The following VSX2 variants were observed in gnomAD, a reference collection of about 807,000 sequenced individuals.
The protein encoded by VSX2 is ceh-10 homeo domain containing homolog.
Under a neutral mutation model 32.1 loss-of-function variants are expected in VSX2, and 28 were observed. The observed-to-expected ratio is 0.87, with a 90% CI of 0.65 to 1.20. VSX2 has a LOEUF of 1.20. VSX2 is among the 50% of genes most tolerant of loss of function. The pLI, the probability that VSX2 is intolerant of heterozygous loss-of-function variation, is 0.00. For synonymous variants in VSX2, 243 were observed against 214.1 expected (o/e 1.14, Z -1.18); for missense variants, 506 against 488.7 (o/e 1.04, Z -0.33).
intron 2 of VSX2, among the ~76,000 whole-genome samples, chr14:74,244,881 AGTGTGTGTGTGTGTGTGTGT>A (rs57885912): frequency 1.2e-3 from 62 of 51,294 alleles, no homozygotes; most frequent in Non-Finnish European, 1.6e-3. Context: ...AGAGAGAGAA[AGTGTGTGTGTGTGTGTGTGT>A]GTGTGTGTGT....
At chr14:74,257,546 G>T (rs902540360) in intron 3 of VSX2, among the ~76,000 whole-genome samples, 1 of 152,270 alleles carries the variant, frequency 6.6e-6, no homozygotes, top group Non-Finnish European at 1.5e-5. Flanking sequence ...TCAACTTAAA[G>T]GTGCGCGTGC....
chr14:74,244,707 CCTT>C (rs1459984414), intron 2 of VSX2, among the ~76,000 whole-genome samples: 3 of 151,808 alleles, frequency 2.0e-5, no homozygotes, highest in Admixed American at 6.6e-5. Context: ...TCTAGAATGT[CCTT>C]CTTCTGGGAC....
In VSX2 at chr14:74,241,482, C is replaced by T. The variant is rs11621172; in HGVS notation, c.455+216C>T. On this transcript the variant is annotated intron_variant, in intron 2 of 4. Coordinates refer to ENST00000261980, the MANE Select transcript of VSX2 (RefSeq NM_182894.3). Reference sequence around the variant, plus strand: ...GATGAGTGGCCGCCGGGAAAGCGGCCCGGTTCGGGCTTTCTCCTCCTTGTT... The same window carrying T: ...GATGAGTGGCCGCCGGGAAAGCGGCTCGGTTCGGGCTTTCTCCTCCTTGTT... Among the ~76,000 whole-genome samples, 117,380 of 152,180 alleles carry T rather than the reference C, an allele frequency of 0.77. 46,524 individuals carry two copies. Among genetic ancestry groups the T allele is most frequent in the Admixed American group, 0.87 (13,261 of 15,294 alleles).
At chr14:74,246,295 G>T (rs1467890915) in intron 3 of VSX2, among the ~76,000 whole-genome samples, 1 of 152,220 alleles carries the variant, frequency 6.6e-6, no homozygotes, top group African/African-American at 2.4e-5. Flanking sequence ...CTCCTCCCCA[G>T]TCTAGGTTCC....
chr14:74,247,998 GC>G (rs2079203492), intron 3 of VSX2, among the ~76,000 whole-genome samples: 1 of 152,038 alleles, frequency 6.6e-6, no homozygotes, highest in Non-Finnish European at 1.5e-5. Flanking sequence ...TGAGCTAGGG[GC>G]TATTACTCTC....
At chr14:74,254,714 T>A (rs2079251404) in intron 3 of VSX2, among the ~76,000 whole-genome samples, 4 of 152,030 alleles carry the variant, frequency 2.6e-5, no homozygotes, top group Admixed American at 2.6e-4. Context: ...TCGGACACCT[T>A]CTGTATGACA....
chr14:74,256,356 G>A (rs911629761), intron 3 of VSX2, among the ~76,000 whole-genome samples: 6 of 152,156 alleles, frequency 3.9e-5, no homozygotes, highest in Admixed American at 6.5e-5. Flanking sequence ...GCTTGAATGC[G>A]GAAGGTGGAG....
At chr14:74,248,286 G>A (rs1036865993) in intron 3 of VSX2, among the ~76,000 whole-genome samples, 1 of 140,118 alleles carries the variant, frequency 7.1e-6, no homozygotes, top group Non-Finnish European at 1.5e-5. Flanking sequence ...AGCACTTTGG[G>A]AATCTGAGGT....
At chr14:74,241,396 A>G (rs2079149405) in intron 2 of VSX2, 130 bp downstream of exon 2, 1 of 1,031,776 alleles carries the variant, frequency 9.7e-7, no homozygotes, top group Non-Finnish European at 1.5e-6. Context: ...GCCAGGGCGC[A>G]GACCACGGGT....
intron 3 of VSX2, among the ~76,000 whole-genome samples, chr14:74,250,001 G>A (rs1215346425): frequency 6.6e-6 from 1 of 152,098 alleles, no homozygotes; most frequent in African/African-American, 2.4e-5. Context: ...AGCATTTTGG[G>A]AGCCTAAGGT....
Position 74,262,537 on chromosome 14 carries a change from T to G in VSX2, c.*1618T>G, listed in dbSNP as rs2079315705. 6.6e-6 allele frequency: 1 copy of G among 152,270 alleles called. No individual in the cohort carries two copies. The highest frequency in any genetic ancestry group is 1.5e-5 in the Non-Finnish European group (1 of 68,054). 9.4% of individuals were successfully genotyped at this position (152,270 alleles called of 1,614,324 possible). The stretch of plus-strand genomic sequence containing the variant: ...AACTTCCCTCCCCCTAGTCCGGTTC[T>G]TCTTGTCTTTGTCCCTGTTGGTTTG... On this transcript the variant is annotated 3_prime_UTR_variant, in exon 5 of 5. Transcript: ENST00000261980.
In VSX2 at chr14:74,244,981, TGAGAGAGAGAGAGA is replaced by T. The variant is rs60714663; in HGVS notation, c.456-171_456-158del. ...GTGTGTGTGTGTGTGTGTGTGTGTG[TGAGAGAGAGAGAGA>T]GAGAGAGAGAGACAGAGAGAGAGAG... On this transcript the variant is annotated intron_variant, in intron 2 of 4. Transcript: ENST00000261980. Among the ~76,000 whole-genome samples the T allele has an allele frequency of 1.3e-3, 48 of 37,634 alleles. 1 individual carries two copies. The highest frequency in any genetic ancestry group is 4.0e-3 in the African/African-American group (47 of 11,820). The allele number at this position is 37,634 out of a possible 152,430, so 24.7% of individuals were successfully genotyped here. A position where few individuals can be genotyped will look rare whatever the true frequency, so the allele number is the denominator to read the frequency against.
intron 2 of VSX2, among the ~76,000 whole-genome samples, chr14:74,244,383 T>C (rs2024242): frequency 2.0e-4 from 31 of 151,716 alleles, no homozygotes; most frequent in African/African-American, 7.0e-4. Flanking sequence ...CAGCACAGAA[T>C]AGGACTGGAA....
chr14:74,243,066 G>T (rs1317391338), intron 2 of VSX2, among the ~76,000 whole-genome samples: 1 of 152,186 alleles, frequency 6.6e-6, no homozygotes, highest in Admixed American at 6.5e-5. Flanking sequence ...TTGGAGAGAG[G>T]AGAATGGCTA....
chr14:74,241,955 T>C (rs545909108), intron 2 of VSX2, among the ~76,000 whole-genome samples: 1 of 152,102 alleles, frequency 6.6e-6, no homozygotes, highest in Non-Finnish European at 1.5e-5. Context: ...TGTTTTGTTT[T>C]GTTTTGTTTT....
intron 3 of VSX2, among the ~76,000 whole-genome samples, chr14:74,248,646 G>T (rs566039619): frequency 6.6e-6 from 1 of 151,204 alleles, no homozygotes; most frequent in South Asian, 2.1e-4. Flanking sequence ...AGCTGTAATC[G>T]CACCACTGCA....
At chr14:74,243,977 C>T (rs1319405643) in intron 2 of VSX2, among the ~76,000 whole-genome samples, 2 of 152,148 alleles carry the variant, frequency 1.3e-5, no homozygotes, top group East Asian at 1.9e-4. Flanking sequence ...AGTTTGTGGA[C>T]GCTGGACTAT....
intron 2 of VSX2, among the ~76,000 whole-genome samples, chr14:74,244,110 G>C (rs2079168675): frequency 1.3e-5 from 2 of 152,224 alleles, no homozygotes; most frequent in South Asian, 4.1e-4. Flanking sequence ...ATTCAAGAAA[G>C]AGGACCTATG....
chr14:74,240,254 C>T (rs2079140482), intron 1 of VSX2, among the ~76,000 whole-genome samples: 1 of 152,180 alleles, frequency 6.6e-6, no homozygotes, highest in Admixed American at 6.5e-5. Context: ...GCAGAGTCGC[C>T]GGCCGTGTCG....
Sources: gnomAD v4.1 joint callset for allele counts (sites outside exome capture counted in the v4.1 genomes callset) on GRCh38, gnomAD v4.1.1 for gene constraint, MANE v1.5 for transcripts, NCBI Gene and HGNC (gene_info 2026-07-23, HGNC 2026-07-21) for gene names.